STX8: variants seen among roughly 807,000 people sequenced by gnomAD.
STX8 encodes syntaxin 8.
STX8 carries 23 observed loss-of-function variants against 37.5 expected under a neutral mutation model. The observed-to-expected ratio is 0.61, with a 90% CI of 0.44 to 0.87. The LOEUF is 0.87. Among genes scored for constraint, STX8 ranks in the 40% least tolerant of loss-of-function variants. The pLI is 0.00. For missense variants in STX8, 313 were observed against 284.7 expected (o/e 1.10, Z -0.71); for synonymous variants, 115 against 99.1 (o/e 1.16, Z -0.95).
chr17:9,313,060 G>A (rs1041363848), intron 7 of STX8, among the ~76,000 whole-genome samples: 18 of 151,976 alleles, frequency 1.2e-4, no homozygotes, highest in Admixed American at 1.1e-3. Context: ...GCATGGTGGC[G>A]CATGCCTGTA....
At chr17:9,468,796 C>G (rs60760678) in intron 6 of STX8, among the ~76,000 whole-genome samples, 21,317 of 152,104 alleles carry the variant, frequency 0.14, 2,802 homozygotes, top group East Asian at 0.71. Flanking sequence ...GTGAATTCAA[C>G]GTGGGACAAT....
intron 2 of STX8, among the ~76,000 whole-genome samples, chr17:9,559,040 A>G (rs981372445): frequency 6.6e-6 from 1 of 152,178 alleles, no homozygotes; most frequent in Non-Finnish European, 1.5e-5. Flanking sequence ...ATAAAATAAA[A>G]TATCACCCAA....
chr17:9,261,629 G>A (rs1907043950), intron 7 of STX8, among the ~76,000 whole-genome samples: 1 of 152,114 alleles, frequency 6.6e-6, no homozygotes, highest in African/African-American at 2.4e-5. Context: ...TTCTTAAGGT[G>A]TTATTCATTT....
At chr17:9,254,451 G>A (rs867475566) in intron 7 of STX8, among the ~76,000 whole-genome samples, 6 of 151,686 alleles carry the variant, frequency 4.0e-5, no homozygotes, top group East Asian at 1.9e-4. Context: ...GCTAGAGTGC[G>A]GTGACGTGAT....
intron 1 of STX8, among the ~76,000 whole-genome samples, chr17:9,572,598 C>T (rs547293048): frequency 1.3e-5 from 2 of 151,976 alleles, no homozygotes; most frequent in Non-Finnish European, 2.9e-5. Context: ...TTAGTAGAGA[C>T]GGGGTTTCAC....
intron 7 of STX8, among the ~76,000 whole-genome samples, chr17:9,254,127 G>A (rs145445247): frequency 5.3e-5 from 8 of 152,274 alleles, no homozygotes; most frequent in East Asian, 1.9e-4. Flanking sequence ...GTGGCCAAGG[G>A]GGTCTTGCAC....
chr17:9,274,391 G>C (rs892364665), intron 7 of STX8, among the ~76,000 whole-genome samples: 2 of 152,066 alleles, frequency 1.3e-5, no homozygotes. Context: ...CAGGCCGGGC[G>C]CGGTGGCTCC....
intron 7 of STX8, among the ~76,000 whole-genome samples, chr17:9,334,313 C>T (rs975528380): frequency 6.6e-6 from 1 of 152,102 alleles, no homozygotes; most frequent in Non-Finnish European, 1.5e-5. Context: ...ACTCCTAAAG[C>T]ATAACTTATA....
At chr17:9,469,428 T>C (rs1905756595) in intron 6 of STX8, among the ~76,000 whole-genome samples, 1 of 152,054 alleles carries the variant, frequency 6.6e-6, no homozygotes, top group African/African-American at 2.4e-5. Context: ...TTCCTTTCCA[T>C]AGAAAACTGA....
chr17:9,436,290 A>G (rs1022473280), intron 6 of STX8, among the ~76,000 whole-genome samples: 1 of 150,454 alleles, frequency 6.6e-6, no homozygotes, highest in Non-Finnish European at 1.5e-5. Flanking sequence ...GCTTGCAGTG[A>G]GTTGAGATCG....
chr17:9,460,821 T>G (rs1757596233), intron 6 of STX8, among the ~76,000 whole-genome samples: 1 of 152,214 alleles, frequency 6.6e-6, no homozygotes, highest in African/African-American at 2.4e-5. Context: ...GCTTTGACAC[T>G]TGGTAGCTGT....
intron 5 of STX8, among the ~76,000 whole-genome samples, chr17:9,498,969 C>G (rs1332116912): frequency 6.6e-6 from 1 of 152,178 alleles, no homozygotes; most frequent in African/African-American, 2.4e-5. Context: ...CATCACCCAC[C>G]CATCTTCTGC....
chr17:9,309,238 G>A (rs925854929), intron 7 of STX8, among the ~76,000 whole-genome samples: 5 of 152,080 alleles, frequency 3.3e-5, no homozygotes, highest in Admixed American at 2.6e-4. Flanking sequence ...TATCTTCCAC[G>A]AAGCAAACAT....
intron 6 of STX8, among the ~76,000 whole-genome samples, chr17:9,430,631 TGG>T (rs1913924330): frequency 4.0e-5 from 6 of 149,812 alleles, no homozygotes; most frequent in Non-Finnish European, 8.8e-5. Context: ...GACGGACAGT[TGG>T]GCTCAGTGGT....
chr17:9,304,387 G>T (rs1223741364), intron 7 of STX8, among the ~76,000 whole-genome samples: 2 of 151,592 alleles, frequency 1.3e-5, no homozygotes, highest in Non-Finnish European at 2.9e-5. Context: ...TTAGTCTGGC[G>T]TGGTGGCGCA....
intron 6 of STX8, among the ~76,000 whole-genome samples, chr17:9,398,162 T>C (rs1253281726): frequency 6.6e-6 from 1 of 152,068 alleles, no homozygotes; most frequent in Admixed American, 6.6e-5. Flanking sequence ...CAAAGAACAG[T>C]GTGGAAATGG....
At chr17:9,337,625 C>CT (rs1391703437) in intron 7 of STX8, among the ~76,000 whole-genome samples, 1 of 152,190 alleles carries the variant, frequency 6.6e-6, no homozygotes, top group Non-Finnish European at 1.5e-5. Context: ...CCTTGGCCTC[C>CT]CAAAGTGCTG....
At chr17:9,270,670 G>GAA (rs1242216238) in intron 7 of STX8, among the ~76,000 whole-genome samples, 1 of 152,146 alleles carries the variant, frequency 6.6e-6, no homozygotes, top group Non-Finnish European at 1.5e-5. Flanking sequence ...ATGAATGAGT[G>GAA]AAGAAATGAA....
At chr17:9,356,173 A>T (rs1030760616) in intron 7 of STX8, among the ~76,000 whole-genome samples, 1 of 152,208 alleles carries the variant, frequency 6.6e-6, no homozygotes, top group Non-Finnish European at 1.5e-5. Context: ...TTTGTCAAGC[A>T]GTAGAAATAG....
Sources: allele counts gnomAD v4.1 joint callset (sites outside exome capture counted in the v4.1 genomes callset), GRCh38; gene constraint gnomAD v4.1.1; transcripts MANE v1.5; gene names NCBI Gene and HGNC (gene_info 2026-07-23, HGNC 2026-07-21).